The following CALN1 variants were observed in gnomAD, a reference collection of about 807,000 sequenced individuals.
The protein encoded by CALN1 is calneuron 1.
In CALN1, 17 loss-of-function variants were observed where a neutral mutation model predicts 30.6. The observed-to-expected ratio is 0.56, with a 90% CI of 0.38 to 0.83. CALN1 has a LOEUF of 0.83. Ranked by LOEUF, CALN1 falls within the 40% of genes least tolerant of loss-of-function variation. The pLI, the probability that CALN1 is intolerant of heterozygous loss-of-function variation, is 0.00. For synonymous variants in CALN1, 156 were observed against 131.4 expected (o/e 1.19, Z -1.28); for missense variants, 291 against 354.9 (o/e 0.82, Z 1.45).
chr7:72,088,685 T>G (rs58547626), intron 4 of CALN1, among the ~76,000 whole-genome samples: 32,499 of 131,358 alleles, frequency 0.25, 4,562 homozygotes, highest in East Asian at 0.7. Flanking sequence ...GGAGACAGAG[T>G]GAGACTCCAT....
At chr7:72,411,994 A>T (rs967764644) in intron 1 of CALN1, 64 bp downstream of exon 1, 1 of 152,154 alleles carries the variant, frequency 6.6e-6, no homozygotes, top group Non-Finnish European at 1.5e-5. Context: ...ATGGCTCCCA[A>T]ACCTGGCCCA....
chr7:72,394,279 A>G (rs2129561596), intron 2 of CALN1, among the ~76,000 whole-genome samples: 1 of 152,254 alleles, frequency 6.6e-6, no homozygotes, highest in South Asian at 2.1e-4. Context: ...CCTTAGGTGA[A>G]TTGGTATGGT....
intron 5 of CALN1, among the ~76,000 whole-genome samples, chr7:71,968,861 A>T (rs1254491657): frequency 6.6e-6 from 1 of 151,020 alleles, no homozygotes; most frequent in Non-Finnish European, 1.5e-5. Context: ...CCTAGGCAAC[A>T]CAGCAAGACC....
chr7:72,402,540 C>A (rs1456219782), intron 2 of CALN1, among the ~76,000 whole-genome samples: 1 of 152,124 alleles, frequency 6.6e-6, no homozygotes, highest in Non-Finnish European at 1.5e-5. Context: ...ATGCCAGCAT[C>A]CACAAAGATC....
intron 3 of CALN1, among the ~76,000 whole-genome samples, chr7:72,206,366 T>C (rs1348011805): frequency 6.6e-6 from 1 of 152,222 alleles, no homozygotes; most frequent in African/African-American, 2.4e-5. Context: ...CCTCATCCTA[T>C]ACATTCTAGA....
At chr7:71,790,388 GAA>G (rs71991569) in intron 6 of CALN1, among the ~76,000 whole-genome samples, 7 of 108,154 alleles carry the variant, frequency 6.5e-5, no homozygotes, top group African/African-American at 3.0e-4. Context: ...AAGAAAGAAA[GAA>G]AGAAAGAAAG....
chr7:71,792,469 C>T lies in CALN1; in HGVS notation c.659-4567G>A, dbSNP rs959339405. 3.3e-5 allele frequency among the ~76,000 whole-genome samples: 5 copies of T among 152,152 alleles called. No individual in the cohort carries two copies. In the East Asian group the frequency reaches 9.6e-4, roughly 29 times the overall value. On this transcript the variant is annotated intron_variant, in intron 6 of 6. Transcript: ENST00000395275. Reference sequence around the variant, plus strand: ...TCAGCTTTCTTCTTGCCGATTGAAGCTTCCACCTTTTGGCTACTACAAATA... The same window carrying T: ...TCAGCTTTCTTCTTGCCGATTGAAGTTTCCACCTTTTGGCTACTACAAATA...
At chr7:72,310,186 A>G (rs1403928509) in intron 2 of CALN1, among the ~76,000 whole-genome samples, 1 of 151,792 alleles carries the variant, frequency 6.6e-6, no homozygotes, top group Non-Finnish European at 1.5e-5. Flanking sequence ...CAAGCCAAAA[A>G]GCCCCCTGAC....
At chr7:72,326,799 G>C (rs762043355) in intron 2 of CALN1, among the ~76,000 whole-genome samples, 72 of 152,278 alleles carry the variant, frequency 4.7e-4, no homozygotes, top group Non-Finnish European at 8.7e-4. Flanking sequence ...GCTGAGTGTA[G>C]GGGAAAGGGC....
intron 1 of CALN1, among the ~76,000 whole-genome samples, chr7:72,409,771 GGC>G: frequency 6.6e-6 from 1 of 152,232 alleles, no homozygotes; most frequent in African/African-American, 2.4e-5. Flanking sequence ...GTGGTTCCCA[GGC>G]TGTTACTCGA....
At chr7:72,176,317 A>T (rs1164155921) in intron 3 of CALN1, among the ~76,000 whole-genome samples, 1 of 152,182 alleles carries the variant, frequency 6.6e-6, no homozygotes, top group Non-Finnish European at 1.5e-5. Context: ...AGAATTCTGC[A>T]AGACTAGGCA....
intron 4 of CALN1, among the ~76,000 whole-genome samples, chr7:72,057,175 G>A (rs556591996): frequency 5.3e-5 from 8 of 152,014 alleles, no homozygotes; most frequent in East Asian, 3.9e-4. Context: ...TTGAACGCCC[G>A]GCCTGAAGTA....
intron 5 of CALN1, among the ~76,000 whole-genome samples, chr7:71,969,884 G>A (rs999525919): frequency 4.0e-5 from 6 of 151,666 alleles, no homozygotes; most frequent in Non-Finnish European, 7.4e-5. Context: ...GAGTGCAGTG[G>A]TATGATCTTG....
At chr7:71,887,525 C>T (rs142715207) in intron 5 of CALN1, among the ~76,000 whole-genome samples, 47 of 152,242 alleles carry the variant, frequency 3.1e-4, no homozygotes, top group African/African-American at 1.1e-3. Context: ...CTTGAACCCC[C>T]CCACTTCAGG....
At chr7:71,912,790 C>G (rs893008565) in intron 5 of CALN1, among the ~76,000 whole-genome samples, 1 of 152,164 alleles carries the variant, frequency 6.6e-6, no homozygotes, top group Non-Finnish European at 1.5e-5. Context: ...CAATGATTCC[C>G]TTATGGCCTA....
chr7:71,878,733 A>G (rs1792396297), intron 5 of CALN1, among the ~76,000 whole-genome samples: 1 of 152,242 alleles, frequency 6.6e-6, no homozygotes, highest in Non-Finnish European at 1.5e-5. Flanking sequence ...ACCATCTGCC[A>G]CGTCCAGAGA....
intron 2 of CALN1, among the ~76,000 whole-genome samples, chr7:72,360,767 C>G (rs1189039047): frequency 6.6e-6 from 1 of 151,568 alleles, no homozygotes; most frequent in Admixed American, 6.6e-5. Context: ...TCCCCTCTGT[C>G]ACCCAGGCTG....
At chr7:72,054,569 A>T (rs1803125706) in intron 4 of CALN1, among the ~76,000 whole-genome samples, 1 of 147,440 alleles carries the variant, frequency 6.8e-6, no homozygotes. Flanking sequence ...ATAATGGAAT[A>T]CTATGCAGCC....
the CALN1 span, among the ~76,000 whole-genome samples, chr7:72,472,379 G>A: frequency 3.9e-5 from 6 of 152,152 alleles, no homozygotes; most frequent in Admixed American, 6.6e-5. Flanking sequence ...CGAGCCCCAT[G>A]ACCCCAACAC....
Sources: gnomAD v4.1 joint callset for allele counts (sites outside exome capture counted in the v4.1 genomes callset) on GRCh38, gnomAD v4.1.1 for gene constraint, MANE v1.5 for transcripts, NCBI Gene and HGNC (gene_info 2026-07-23, HGNC 2026-07-21) for gene names.